The following GBE1 variants were observed in gnomAD, a reference collection of about 807,000 sequenced individuals.
GBE1 encodes 1,4-alpha-glucan-branching enzyme.
GBE1 carries 70 observed loss-of-function variants against 88.8 expected under a neutral mutation model. The observed-to-expected ratio is 0.79, with a 90% CI of 0.65 to 0.96. The LOEUF (loss-of-function observed/expected upper bound fraction) is 0.96. Among genes scored for constraint, GBE1 ranks in the 40% least tolerant of loss-of-function variants. The pLI, the probability that GBE1 is intolerant of heterozygous loss-of-function variation, is 0.00. For missense variants in GBE1, 872 were observed against 871.0 expected (o/e 1.00, Z -0.01); for synonymous variants, 284 against 300.1 (o/e 0.95, Z 0.56).
At chr3:81,594,131 C>G (rs1703920296) in intron 7 of GBE1, 108 bp from the exon 8 acceptor site, 1 of 538,578 alleles carries the variant, frequency 1.9e-6, no homozygotes, top group Non-Finnish European at 3.3e-6. Context: ...TCTCAAGAAT[C>G]ATAATGTTCA....
At chr3:81,523,162 T>C (rs1254585338) in intron 14 of GBE1, among the ~76,000 whole-genome samples, 1 of 150,298 alleles carries the variant, frequency 6.7e-6, no homozygotes, top group Non-Finnish European at 1.5e-5. Flanking sequence ...CTATGCTATA[T>C]AATATATATA....
intron 12 of GBE1, among the ~76,000 whole-genome samples, chr3:81,574,188 T>C (rs1396106644): frequency 1.3e-5 from 2 of 152,216 alleles, no homozygotes; most frequent in African/African-American, 4.8e-5. Flanking sequence ...TCTTTTATTT[T>C]AAACAATGTA....
chr3:81,686,937 TA>T (rs1342423444), intron 2 of GBE1, among the ~76,000 whole-genome samples: 1 of 152,194 alleles, frequency 6.6e-6, no homozygotes, highest in Non-Finnish European at 1.5e-5. Flanking sequence ...TACACTTTTT[TA>T]ACTTACAATT....
At chr3:81,528,232 G>A (rs1301614739) in intron 14 of GBE1, among the ~76,000 whole-genome samples, 1 of 138,156 alleles carries the variant, frequency 7.2e-6, no homozygotes, top group Non-Finnish European at 1.6e-5. Flanking sequence ...TGGGAGGAGG[G>A]GGGAGGGGGG....
chr3:81,506,935 G>T (rs1320383128), intron 14 of GBE1, among the ~76,000 whole-genome samples: 1 of 152,076 alleles, frequency 6.6e-6, no homozygotes, highest in Non-Finnish European at 1.5e-5. Context: ...GGTGGGAGGA[G>T]GGAAGAGGAT....
chr3:81,613,041 G>C, intron 7 of GBE1: 1 of 650,530 alleles, frequency 1.5e-6, no homozygotes, highest in Non-Finnish European at 2.3e-6. Context: ...AGATGATGAA[G>C]GGGAGGAAAG....
intron 7 of GBE1, among the ~76,000 whole-genome samples, chr3:81,598,659 C>T (rs1020913928): frequency 6.6e-5 from 10 of 151,542 alleles, no homozygotes; most frequent in Admixed American, 3.9e-4. Flanking sequence ...TAATTCATAT[C>T]TAGTAGTAGA....
At chr3:81,582,551 A>G (rs984215596) in intron 10 of GBE1, among the ~76,000 whole-genome samples, 4 of 152,144 alleles carry the variant, frequency 2.6e-5, no homozygotes, top group African/African-American at 9.6e-5. Flanking sequence ...TAAATTGGAT[A>G]TGGGAATAAT....
intron 14 of GBE1, among the ~76,000 whole-genome samples, chr3:81,512,807 C>T (rs1258899214): frequency 2.6e-5 from 4 of 151,620 alleles, no homozygotes; most frequent in Non-Finnish European, 2.9e-5. Flanking sequence ...TAAAAGTATT[C>T]GCATATTGTA....
At chr3:81,524,674 C>A (rs747487428) in intron 14 of GBE1, among the ~76,000 whole-genome samples, 2 of 151,784 alleles carry the variant, frequency 1.3e-5, no homozygotes, top group Non-Finnish European at 2.9e-5. Context: ...CTGTCCTTTC[C>A]CCATTGTATG....
chr3:81,647,628 C>G (rs1346525319), intron 5 of GBE1, among the ~76,000 whole-genome samples: 1 of 152,090 alleles, frequency 6.6e-6, no homozygotes, highest in Non-Finnish European at 1.5e-5. Context: ...CTGTAACATA[C>G]ATAGTAAATA....
chr3:81,657,150 A>C (rs1402055416), intron 3 of GBE1, among the ~76,000 whole-genome samples: 1 of 148,820 alleles, frequency 6.7e-6, no homozygotes, highest in Non-Finnish European at 1.5e-5. Flanking sequence ...AAAAAAAAAC[A>C]AAACAAAAAA....
chr3:81,758,962 TAGTA>T (rs566729092), intron 1 of GBE1, among the ~76,000 whole-genome samples: 114 of 152,302 alleles, frequency 7.5e-4, no homozygotes, highest in African/African-American at 2.5e-3. Context: ...GTTCTCCTGA[TAGTA>T]AGTAAGTCTC....
chr3:81,758,032 C>T (rs1189192394), intron 1 of GBE1, among the ~76,000 whole-genome samples: 1 of 152,152 alleles, frequency 6.6e-6, no homozygotes, highest in Non-Finnish European at 1.5e-5. Context: ...ATGTACAATG[C>T]TAGAGATAAA....
intron 7 of GBE1, among the ~76,000 whole-genome samples, chr3:81,624,306 G>A (rs903918816): frequency 5.9e-5 from 9 of 152,142 alleles, no homozygotes; most frequent in African/African-American, 2.2e-4. Context: ...CCTTTGACAC[G>A]TGGAGATTAT....
At chr3:81,527,620 T>C (rs1260452177) in intron 14 of GBE1, among the ~76,000 whole-genome samples, 1 of 152,080 alleles carries the variant, frequency 6.6e-6, no homozygotes, top group East Asian at 1.9e-4. Context: ...GAAAAAATGC[T>C]CATCATCACT....
chr3:81,524,617 T>C (rs1347796803), intron 14 of GBE1, among the ~76,000 whole-genome samples: 1 of 151,954 alleles, frequency 6.6e-6, no homozygotes, highest in Admixed American at 6.6e-5. Flanking sequence ...AGCTTCATTT[T>C]TCCACATAAG....
chr3:81,725,173 A>G (rs1223089846), intron 1 of GBE1, among the ~76,000 whole-genome samples: 1 of 152,190 alleles, frequency 6.6e-6, no homozygotes, highest in African/African-American at 2.4e-5. Context: ...TTATTCTTCA[A>G]TAATAAATTA....
intron 1 of GBE1, among the ~76,000 whole-genome samples, chr3:81,720,515 T>A (rs1273876090): frequency 6.6e-6 from 1 of 152,040 alleles, no homozygotes; most frequent in East Asian, 1.9e-4. Context: ...ATTTATTACA[T>A]CTCCTCCATT....
Sources: allele counts gnomAD v4.1 joint callset (sites outside exome capture counted in the v4.1 genomes callset), GRCh38; gene constraint gnomAD v4.1.1; transcripts MANE v1.5; gene names NCBI Gene and HGNC (gene_info 2026-07-23, HGNC 2026-07-21).